Variants in CHCHD6 observed in about 807,000 individuals in gnomAD.
The protein encoded by CHCHD6 is MICOS complex subunit MIC25.
In CHCHD6, 28 loss-of-function variants were observed where a neutral mutation model predicts 32.3. The ratio of observed to expected loss-of-function variants is 0.87; its 90% CI spans 0.64 to 1.19. The LOEUF (loss-of-function observed/expected upper bound fraction) is 1.19, where lower values mean the gene tolerates loss of function less well. Ranked by LOEUF, CHCHD6 falls within the 50% of genes most tolerant of loss-of-function variation. CHCHD6 has a pLI of 0.00. For synonymous variants in CHCHD6, 122 were observed against 117.5 expected, an observed-to-expected ratio of 1.04 and a Z score of -0.25; for missense variants, 333 against 307.0, an observed-to-expected ratio of 1.08 and a Z score of -0.63.
chr3:126,759,681 A>G (rs1319608201), intron 4 of CHCHD6, among the ~76,000 whole-genome samples: 1 of 152,030 alleles, frequency 6.6e-6, no homozygotes, highest in Non-Finnish European at 1.5e-5. Context: ...TGCTCTCCTC[A>G]CTGTATTATA....
At chr3:126,784,121 GC>G (rs940487821) in intron 4 of CHCHD6, among the ~76,000 whole-genome samples, 40 of 152,200 alleles carry the variant, frequency 2.6e-4, no homozygotes, top group African/African-American at 9.4e-4. Context: ...AGATGTGCTT[GC>G]CACAAATAGG....
chr3:126,811,938 A>G (rs1368877923), intron 4 of CHCHD6, among the ~76,000 whole-genome samples: 1 of 152,188 alleles, frequency 6.6e-6, no homozygotes, highest in African/African-American at 2.4e-5. Context: ...CCATGCAGCA[A>G]CATAGTACGT....
intron 6 of CHCHD6, among the ~76,000 whole-genome samples, chr3:126,947,312 T>A (rs1378484302): frequency 1.3e-5 from 2 of 152,274 alleles, no homozygotes; most frequent in Admixed American, 6.5e-5. Context: ...CTTTCCTCCC[T>A]GTGGCTCCTG....
intron 4 of CHCHD6, among the ~76,000 whole-genome samples, chr3:126,840,677 T>C (rs962023850): frequency 1.3e-5 from 2 of 152,178 alleles, no homozygotes; most frequent in African/African-American, 4.8e-5. Context: ...TGATTAAATA[T>C]TTAATAACAC....
chr3:126,932,506 C>T lies in CHCHD6; in HGVS notation c.566+17756C>T, dbSNP rs570585992. ...CCTCAAAGAGATCTGTTACTTTTTC[C>T]TCTGGTGAGGAGGCCTTCCCCCACC... On this transcript the variant is annotated intron_variant, in intron 6 of 7. Transcript: ENST00000290913. 5.3e-5 allele frequency among the ~76,000 whole-genome samples: 8 copies of T among 152,326 alleles called. No individual in the cohort carries two copies. The South Asian group carries it at 1.2e-3, about 24-fold the overall frequency.
chr3:126,807,377 T>TA (rs950817364), intron 4 of CHCHD6, among the ~76,000 whole-genome samples: 22 of 151,916 alleles, frequency 1.4e-4, no homozygotes, highest in Non-Finnish European at 2.2e-4. Flanking sequence ...AGGGAACTGG[T>TA]AAAAAATCAC....
chr3:126,775,395 A>G (rs1477839207), intron 4 of CHCHD6, among the ~76,000 whole-genome samples: 1 of 152,196 alleles, frequency 6.6e-6, no homozygotes, highest in Admixed American at 6.5e-5. Flanking sequence ...TCTCTTATGA[A>G]TTGCCTCTTC....
chr3:126,897,125 TC>T (rs1309703070), intron 5 of CHCHD6, among the ~76,000 whole-genome samples: 2 of 152,106 alleles, frequency 1.3e-5, no homozygotes, highest in East Asian at 3.9e-4. Flanking sequence ...CCCGTGCTGT[TC>T]GGGGAGAGAG....
At chr3:126,808,363 G>A (rs1939507946) in intron 4 of CHCHD6, among the ~76,000 whole-genome samples, 1 of 152,144 alleles carries the variant, frequency 6.6e-6, no homozygotes, top group Non-Finnish European at 1.5e-5. Context: ...GAGGGCTGTA[G>A]GTCCAACCCT....
intron 4 of CHCHD6, among the ~76,000 whole-genome samples, chr3:126,850,280 C>T (rs1450160786): frequency 6.6e-6 from 1 of 152,216 alleles, no homozygotes; most frequent in East Asian, 1.9e-4. Flanking sequence ...GTGGGAGGCA[C>T]AGCCTCATCC....
intron 4 of CHCHD6, among the ~76,000 whole-genome samples, chr3:126,833,593 T>C (rs1940729170): frequency 6.6e-6 from 1 of 152,228 alleles, no homozygotes; most frequent in Non-Finnish European, 1.5e-5. Flanking sequence ...CCAGCCTTGC[T>C]GTCTGATAGC....
chr3:126,723,669 C>A (rs1271688290), intron 1 of CHCHD6, among the ~76,000 whole-genome samples: 2 of 152,114 alleles, frequency 1.3e-5, no homozygotes, highest in Non-Finnish European at 2.9e-5. Flanking sequence ...GATGTATATG[C>A]CGAAATTTTC....
chr3:126,765,026 A>G (rs1223224565), intron 4 of CHCHD6, among the ~76,000 whole-genome samples: 5 of 152,186 alleles, frequency 3.3e-5, no homozygotes, highest in Non-Finnish European at 7.3e-5. Context: ...AGTCACGGTA[A>G]GGAGTGACTG....
intron 6 of CHCHD6, among the ~76,000 whole-genome samples, chr3:126,924,052 G>A (rs1197436325): frequency 6.6e-6 from 1 of 152,176 alleles, no homozygotes; most frequent in Non-Finnish European, 1.5e-5. Flanking sequence ...GGAAATCGGA[G>A]GCAGCCTCAT....
chr3:126,722,796 T>C (rs1361779758), intron 1 of CHCHD6, among the ~76,000 whole-genome samples: 2 of 152,220 alleles, frequency 1.3e-5, no homozygotes, highest in East Asian at 1.9e-4. Context: ...CTCAAAACTT[T>C]AAAATTTTGA....
intron 4 of CHCHD6, among the ~76,000 whole-genome samples, chr3:126,850,808 G>A (rs1339723463): frequency 6.6e-6 from 1 of 152,164 alleles, no homozygotes; most frequent in Non-Finnish European, 1.5e-5. Flanking sequence ...GTGCTGGACC[G>A]CTGAGAGGCC....
At chr3:126,737,419 TGCACACAA>T (rs1936098623) in intron 4 of CHCHD6, among the ~76,000 whole-genome samples, 1 of 145,880 alleles carries the variant, frequency 6.9e-6, no homozygotes, top group Non-Finnish European at 1.5e-5. Flanking sequence ...TATATATATA[TGCACACAA>T]ATGCACACAC....
chr3:126,903,528 C>T (rs1262768944), intron 5 of CHCHD6, among the ~76,000 whole-genome samples: 2 of 152,108 alleles, frequency 1.3e-5, no homozygotes, highest in African/African-American at 2.4e-5. Context: ...ACTTCATGTC[C>T]CTTGATTTTT....
At chr3:126,811,533 T>C (rs1402680164) in intron 4 of CHCHD6, among the ~76,000 whole-genome samples, 1 of 152,088 alleles carries the variant, frequency 6.6e-6, no homozygotes, top group African/African-American at 2.4e-5. Context: ...TCTAATTCTT[T>C]CCTTTGAGTG....
Sources: allele counts gnomAD v4.1 joint callset (sites outside exome capture counted in the v4.1 genomes callset), GRCh38; gene constraint gnomAD v4.1.1; transcripts MANE v1.5; gene names NCBI Gene and HGNC (gene_info 2026-07-23, HGNC 2026-07-21).